CALHM4: variants seen among roughly 807,000 people sequenced by gnomAD.
The protein encoded by CALHM4 is calcium homeostasis modulator protein 4.
Under a neutral mutation model 13.3 loss-of-function variants are expected in CALHM4, and 16 were observed. That is an observed-to-expected ratio of 1.20 (90% CI 0.81 to 1.82). The LOEUF (loss-of-function observed/expected upper bound fraction) is 1.82. CALHM4 is among the 40% of genes most tolerant of loss of function. The pLI is 0.00. For synonymous variants in CALHM4, 127 were observed against 137.1 expected (o/e 0.93, Z 0.52); for missense variants, 344 against 374.9 (o/e 0.92, Z 0.68).
intron 1 of CALHM4, among the ~76,000 whole-genome samples, chr6:116,531,240 A>T (rs1772703774): frequency 6.6e-6 from 1 of 151,982 alleles, no homozygotes; most frequent in Non-Finnish European, 1.5e-5. Flanking sequence ...TCTTTTTGGG[A>T]CTTTAAATAT....
intron 2 of CALHM4, among the ~76,000 whole-genome samples, chr6:116,544,579 A>C (rs1287890010): frequency 6.6e-6 from 1 of 152,156 alleles, no homozygotes; most frequent in Non-Finnish European, 1.5e-5. Flanking sequence ...ATCATTAACT[A>C]TTTCAGTAGG....
At position 116,559,840 on chromosome 6, in the gene CALHM4, G is replaced by A. The variant is rs569308754; in HGVS notation, c.*1629G>A. The stretch of plus-strand genomic sequence containing the variant: ...CTTTCTGAAATGGTAGTAGACCCAC[G>A]TTGCTTCTCTTGGAAGGAAAATGTC... On this transcript the variant is annotated 3_prime_UTR_variant, in exon 2 of 2. Coordinates refer to ENST00000368596, the MANE Select transcript of CALHM4 (RefSeq NM_001366078.2). Among the ~76,000 whole-genome samples the A allele has an allele frequency of 2.3e-4, 35 of 152,174 alleles. No homozygotes were observed. Among genetic ancestry groups the A allele is most frequent in the South Asian group, 6.2e-4 (3 of 4,810 alleles).
intron 2 of CALHM4, chr6:116,543,925 T>C (rs1286591651): frequency 7.4e-7 from 1 of 1,342,468 alleles, no homozygotes; most frequent in African/African-American, 1.5e-5. Context: ...GATATTTCCT[T>C]ATAGTTCTCC....
At chr6:116,549,954 C>T (rs1407150378), upstream of CALHM4, among the ~76,000 whole-genome samples, 12 of 138,544 alleles carry the variant, frequency 8.7e-5, no homozygotes, top group Admixed American at 3.0e-4. Context: ...CCAGACTGGA[C>T]GACAAGAGCA....
upstream of CALHM4, among the ~76,000 whole-genome samples, chr6:116,549,983 TATATATATATA>T (rs1562360884): frequency 0.074 from 2,885 of 39,116 alleles, 62 homozygotes; most frequent in African/African-American, 0.18. Context: ...TCTTAAATTA[TATATATATATA>T]TATATATATA....
intron 1 of CALHM4, chr6:116,543,170 G>T (rs1053831091): frequency 1.7e-6 from 1 of 604,032 alleles, no homozygotes. Flanking sequence ...ATTATGTTCA[G>T]CTTTCAGATG....
chr6:116,558,051 AACAC>A lies in CALHM4; in HGVS notation c.787_790del (p.His263SerfsTer49), dbSNP rs1774416233. On this transcript the variant is annotated frameshift_variant, in exon 2 of 2. Transcript: ENST00000368596. LOFTEE classifies it high-confidence loss of function. Reference sequence around the variant, plus strand: ...TTCATTCCCGGGAGTGAAGACGTCAAACACATCCGCATTCCTTCTTGTCAGGACT... The same window carrying A: ...TTCATTCCCGGGAGTGAAGACGTCAAATCCGCATTCCTTCTTGTCAGGACT... 6.2e-7 allele frequency: 1 copy of A among 1,614,182 alleles called. No individual in the cohort carries two copies. Among genetic ancestry groups the A allele is most frequent in the African/African-American group, 1.3e-5 (1 of 75,046 alleles).
exon 2 of CALHM4, chr6:116,543,811 C>T (rs1165641210): frequency 2.0e-6 from 3 of 1,534,126 alleles, no homozygotes; most frequent in Middle Eastern, 1.7e-4. Flanking sequence ...TGCACAATCC[C>T]TAATGGCCCC....
At chr6:116,541,390 A>G (rs1297299400) in intron 1 of CALHM4, among the ~76,000 whole-genome samples, 2 of 152,316 alleles carry the variant, frequency 1.3e-5, no homozygotes, top group South Asian at 2.1e-4. Flanking sequence ...CCACATCTAC[A>G]TAGACAAGTG....
intron 1 of CALHM4, among the ~76,000 whole-genome samples, chr6:116,534,262 A>C (rs759855507): frequency 7.2e-5 from 11 of 152,264 alleles, no homozygotes; most frequent in Non-Finnish European, 1.2e-4. Flanking sequence ...CCCTCTGAAA[A>C]TGTCTAATAA....
chr6:116,536,470 C>T (rs140549644), intron 1 of CALHM4, among the ~76,000 whole-genome samples: 29 of 152,182 alleles, frequency 1.9e-4, no homozygotes, highest in African/African-American at 6.8e-4. Context: ...GTCCTTCTCT[C>T]GCAAAGGCAG....
chr6:116,554,595 G>T (rs1190531812), intron 1 of CALHM4, among the ~76,000 whole-genome samples: 1 of 152,070 alleles, frequency 6.6e-6, no homozygotes, highest in Non-Finnish European at 1.5e-5. Flanking sequence ...TGAGTAAAAT[G>T]GGGATATTCA....
rs1773601847 is a variant in CALHM4, at chr6:116,543,733, T to G, written c.-108-32T>G. ...ACTAATTTCTAACATAAATTTCTGT[T>G]TTTCTAAAATATATGCCATCCATGT... On this transcript the variant is annotated intron_variant, in intron 1 of 2. Coordinates refer to the CALHM4 transcript ENST00000368597. 2.5e-6 allele frequency: 3 copies of G among 1,215,206 alleles called. No individual in the cohort carries two copies. In the Admixed American group the frequency reaches 7.6e-5, roughly 31 times the overall value. 75.3% of individuals were successfully genotyped at this position (1,215,206 alleles called of 1,614,324 possible). A position where few individuals can be genotyped will look rare whatever the true frequency, so the allele number is the denominator to read the frequency against.
At chr6:116,549,924 C>T (rs1175559974), upstream of CALHM4, among the ~76,000 whole-genome samples, 2 of 145,170 alleles carry the variant, frequency 1.4e-5, no homozygotes, top group Non-Finnish European at 3.0e-5. Flanking sequence ...TGCAGTGAGC[C>T]GAGATCATGC....
At position 116,553,802 on chromosome 6, in the gene CALHM4, A is replaced by G; in HGVS notation, c.9A>G (p.Pro3=). The G allele has an allele frequency of 1.3e-6, 2 of 1,549,630 alleles. No individual in the cohort carries two copies. Among genetic ancestry groups the G allele is most frequent in the Non-Finnish European group, 1.7e-6 (2 of 1,146,282 alleles). Residue 3 remains proline, a synonymous_variant, in exon 1 of 2, where the codon CCA becomes CCG. Coordinates refer to ENST00000368596, the MANE Select transcript of CALHM4 (RefSeq NM_001366078.2). ...TGTAACAGCTTCCCAAGATGTGCCCAACTCTCAACAATATTGTGTCTTCTC... is the reference window on the plus strand; with the variant it reads ...TGTAACAGCTTCCCAAGATGTGCCCGACTCTCAACAATATTGTGTCTTCTC... The part of the protein sequence containing the change: MC[P]TLNNIVSSLQ...
At chr6:116,533,411 A>C (rs1003506987) in intron 1 of CALHM4, among the ~76,000 whole-genome samples, 2 of 152,250 alleles carry the variant, frequency 1.3e-5, no homozygotes, top group Non-Finnish European at 2.9e-5. Flanking sequence ...AGTGGCAAGA[A>C]GTTGACACCA....
chr6:116,550,367 C>T (rs552771485), upstream of CALHM4, among the ~76,000 whole-genome samples: 137 of 152,180 alleles, frequency 9.0e-4, no homozygotes, highest in African/African-American at 3.2e-3. Context: ...CCACCTGAGT[C>T]CCAGTCCTGG....
chr6:116,547,608 C>A lies in CALHM4; in HGVS notation c.-1+3736C>A, dbSNP rs144178398. ...TGAAACCTGCTAGTCTTCAGCAGCT[C>A]TTAGGATGCAAGTGAGCCCTGTGTT... On this transcript the variant is annotated intron_variant, in intron 2 of 2. Coordinates refer to the CALHM4 transcript ENST00000368597. Among the ~76,000 whole-genome samples, 809 of 152,280 alleles carry A rather than the reference C, an allele frequency of 5.3e-3. 6 individuals are homozygous for A. The highest frequency in any genetic ancestry group is 0.034 in the Middle Eastern group (10 of 294).
At chr6:116,545,814 AG>A (rs1248388066) in intron 2 of CALHM4, among the ~76,000 whole-genome samples, 4 of 152,236 alleles carry the variant, frequency 2.6e-5, no homozygotes, top group African/African-American at 4.8e-5. Flanking sequence ...TCAGACCTGA[AG>A]CACTGCAACT....
Sources: gnomAD v4.1 joint callset for allele counts (sites outside exome capture counted in the v4.1 genomes callset) on GRCh38, gnomAD v4.1.1 for gene constraint, MANE v1.5 for transcripts, NCBI Gene and HGNC (gene_info 2026-07-23, HGNC 2026-07-21) for gene names.